DNAH6: variants seen among roughly 807,000 people sequenced by gnomAD.
DNAH6 encodes the protein dynein axonemal heavy chain 6.
Under a neutral mutation model 491.4 loss-of-function variants are expected in DNAH6, and 340 were observed. That is an observed-to-expected ratio of 0.69 (90% CI 0.63 to 0.76). The LOEUF is 0.76. Ranked by LOEUF, DNAH6 falls within the 30% of genes least tolerant of loss-of-function variation. DNAH6 has a pLI of 0.00. For missense variants in DNAH6, 4,443 were observed against 4,972.2 expected, an observed-to-expected ratio of 0.89 and a Z score of 3.20; for synonymous variants, 1,603 against 1,686.1, an observed-to-expected ratio of 0.95 and a Z score of 1.21.
chr2:84,663,250 A>G (rs1186580535), intron 37 of DNAH6, among the ~76,000 whole-genome samples: 1 of 152,212 alleles, frequency 6.6e-6, no homozygotes, highest in Non-Finnish European at 1.5e-5. Context: ...GACTTTGACG[A>G]GTTGAGAGAA....
chr2:84,649,917 C>G (rs1166061753), intron 33 of DNAH6, among the ~76,000 whole-genome samples: 1 of 152,094 alleles, frequency 6.6e-6, no homozygotes, highest in African/African-American at 2.4e-5. Context: ...GCACATGTAC[C>G]CCAGAACTGA....
At chr2:84,617,698 G>A (rs1163078995) in intron 23 of DNAH6, among the ~76,000 whole-genome samples, 1 of 152,066 alleles carries the variant, frequency 6.6e-6, no homozygotes, top group Non-Finnish European at 1.5e-5. Context: ...GTGTGCCTGT[G>A]TGTGTGTGTA....
intron 4 of DNAH6, among the ~76,000 whole-genome samples, chr2:84,530,089 T>C (rs1449852412): frequency 2.0e-5 from 3 of 152,154 alleles, no homozygotes; most frequent in Non-Finnish European, 4.4e-5. Flanking sequence ...ATGATCTCTG[T>C]AGCAGGAACT....
chr2:84,677,549 C>G (rs1246271256), intron 41 of DNAH6, among the ~76,000 whole-genome samples: 1 of 152,168 alleles, frequency 6.6e-6, no homozygotes, highest in East Asian at 1.9e-4. Context: ...CCAGAGAGCT[C>G]AAGCTCAACA....
At position 84,699,595 on chromosome 2, in the gene DNAH6, T is replaced by A. The variant is rs1228713465; in HGVS notation, c.7679T>A (p.Val2560Glu). The change falls in exon 48 of 77, where the codon GTG (valine) becomes GAG (glutamate). Residue 2560 changes from valine (V) to glutamate (E), a missense_variant and splice_region_variant. Around this residue, in one of 3 missense-constraint regions of DNAH6, gnomAD observed 2,977 missense variants for 3,296.6 expected, o/e 0.90. Coordinates refer to ENST00000389394, the MANE Select transcript of DNAH6 (RefSeq NM_001370.2). ...VGISEGNRDEVFQYFISKVRQ... is the reference protein window; with the variant it reads ...VGISEGNRDEEFQYFISKVRQ... ...AAAAAATAACTTTCTTTTTGTCAGG[T>A]GTTTCAATACTTTATCAGCAAAGTG... is the stretch of plus-strand genomic sequence containing the variant. 6.5e-7 allele frequency: 1 copy of A among 1,546,106 alleles called. No individual in the cohort carries two copies. Among genetic ancestry groups the A allele is most frequent in the East Asian group, 2.4e-5 (1 of 40,862 alleles).
chr2:84,532,756 A>G (rs1677297650), intron 4 of DNAH6, among the ~76,000 whole-genome samples: 1 of 152,162 alleles, frequency 6.6e-6, no homozygotes, highest in Admixed American at 6.5e-5. Context: ...AAACTATGGA[A>G]ATCATTTAAA....
At chr2:84,736,679 T>G (rs1298785083) in intron 62 of DNAH6, among the ~76,000 whole-genome samples, 1 of 152,164 alleles carries the variant, frequency 6.6e-6, no homozygotes. Flanking sequence ...TGTACATTCA[T>G]TTTATATCAT....
chr2:84,800,800 G>A (rs1308946526), intron 70 of DNAH6, among the ~76,000 whole-genome samples: 1 of 152,066 alleles, frequency 6.6e-6, no homozygotes. Context: ...ATTCCTTGGA[G>A]AGAAAAGAAA....
At chr2:84,469,227 A>G in the DNAH6 span, among the ~76,000 whole-genome samples, 1 of 152,000 alleles carries the variant, frequency 6.6e-6, no homozygotes, top group Admixed American at 6.6e-5. The surrounding 1 kb of genome is among the most constrained non-coding windows in gnomAD (Gnocchi z 4.0). Context: ...AGAAATTCTT[A>G]CCCTTTTGCC....
chr2:84,808,230 T>A (rs900087517), intron 71 of DNAH6, among the ~76,000 whole-genome samples, 185 bp from the exon 72 acceptor site: 2 of 152,076 alleles, frequency 1.3e-5, no homozygotes, highest in Non-Finnish European at 2.9e-5. Context: ...TGCTTCTATA[T>A]AAACACAGTT....
intron 63 of DNAH6, among the ~76,000 whole-genome samples, chr2:84,757,883 A>G (rs905725770): frequency 2.6e-5 from 4 of 152,152 alleles, no homozygotes; most frequent in Non-Finnish European, 4.4e-5. Context: ...CCGCATGCTA[A>G]TTCTGCAGGA....
chr2:84,615,323 T>C (rs1686743412), intron 22 of DNAH6, among the ~76,000 whole-genome samples: 1 of 152,172 alleles, frequency 6.6e-6, no homozygotes, highest in Non-Finnish European at 1.5e-5. Flanking sequence ...TTGTTTGCTT[T>C]GTCAAAGATC....
At chr2:84,494,719 G>A in the DNAH6 span, among the ~76,000 whole-genome samples, 4 of 152,188 alleles carry the variant, frequency 2.6e-5, no homozygotes, top group East Asian at 1.9e-4. Context: ...TGCATTTCCT[G>A]TAACTGGATG....
chr2:84,521,900 G>A (rs542135345), intron 2 of DNAH6, among the ~76,000 whole-genome samples: 67 of 152,230 alleles, frequency 4.4e-4, no homozygotes, highest in African/African-American at 1.5e-3. Flanking sequence ...TTGAAGTCAG[G>A]TAACATGATG....
the DNAH6 span, among the ~76,000 whole-genome samples, chr2:84,482,574 G>A: frequency 3.9e-5 from 6 of 152,206 alleles, no homozygotes; most frequent in Admixed American, 6.6e-5. Flanking sequence ...AAGACAGTCC[G>A]AGGGATCTGT....
chr2:84,641,566 G>C (rs1373505958), intron 32 of DNAH6, among the ~76,000 whole-genome samples: 2 of 152,162 alleles, frequency 1.3e-5, no homozygotes, highest in Non-Finnish European at 2.9e-5. Flanking sequence ...TCTAGAAAAG[G>C]GAGTCACTGG....
At chr2:84,708,478 G>A (rs1281886709) in intron 54 of DNAH6, among the ~76,000 whole-genome samples, 3 of 109,622 alleles carry the variant, frequency 2.7e-5, no homozygotes, top group East Asian at 2.5e-4. Context: ...GAGAGAAAGG[G>A]GGGGGGGAGG....
chr2:84,577,409 G>A lies in DNAH6; in HGVS notation c.2076+1G>A. The A allele has an allele frequency of 6.3e-7, 1 of 1,577,552 alleles. No individual in the cohort carries two copies. Among genetic ancestry groups the A allele is most frequent in the Non-Finnish European group, 8.6e-7 (1 of 1,164,662 alleles). On this transcript the variant is annotated splice_donor_variant, in intron 13 of 76. Transcript: ENST00000389394. LOFTEE classifies it high-confidence loss of function. ...TCCATCACCTTTGCGATGCTTAGAG[G>A]TAACTATAAACTAGAAAAAAAAATA...
Position 84,637,152 on chromosome 2 carries a change from G to C in DNAH6, c.4654-58G>C. ...GAGTCTTGTATTCGAGTAATAATTA[G>C]GTGAAAAATTTTACAAGTGTCTGGA... On this transcript the variant is annotated intron_variant, in intron 30 of 76. Coordinates refer to ENST00000389394, the MANE Select transcript of DNAH6 (RefSeq NM_001370.2). 9.2e-6 allele frequency: 13 copies of C among 1,416,260 alleles called. No homozygotes were observed. In the South Asian group the frequency reaches 1.3e-4, roughly 15 times the overall value. 87.7% of individuals were successfully genotyped at this position (1,416,260 alleles called of 1,614,324 possible). A position where few individuals can be genotyped will look rare whatever the true frequency, so the allele number is the denominator to read the frequency against.
Sources: allele counts gnomAD v4.1 joint callset (sites outside exome capture counted in the v4.1 genomes callset), GRCh38; gene constraint gnomAD v4.1.1; regional missense constraint gnomAD v4.1.1; non-coding constraint Gnocchi (gnomAD v3.1); transcripts MANE v1.5; gene names NCBI Gene and HGNC (gene_info 2026-07-23, HGNC 2026-07-21).